The following ULK4 variants were observed in gnomAD, a reference collection of about 807,000 sequenced individuals.
ULK4 encodes the protein inactive serine/threonine-protein kinase ULK4.
Under a neutral mutation model 160.6 loss-of-function variants are expected in ULK4, and 133 were observed. The ratio of observed to expected loss-of-function variants is 0.83; its 90% CI spans 0.72 to 0.96. ULK4 has a LOEUF of 0.96. Among genes scored for constraint, ULK4 ranks in the 40% least tolerant of loss-of-function variants. The pLI, the probability that ULK4 is intolerant of heterozygous loss-of-function variation, is 0.00. For synonymous variants in ULK4, 534 were observed against 539.8 expected (o/e 0.99, Z 0.15); for missense variants, 1,580 against 1,499.5 (o/e 1.05, Z -0.89).
chr3:41,343,473 T>G (rs1448651217), intron 35 of ULK4, among the ~76,000 whole-genome samples: 1 of 151,364 alleles, frequency 6.6e-6, no homozygotes, highest in Non-Finnish European at 1.5e-5. Flanking sequence ...CCTGGCTAAT[T>G]TTTGTATTTT....
intron 32 of ULK4, among the ~76,000 whole-genome samples, chr3:41,468,711 C>T (rs2083896118): frequency 6.6e-6 from 1 of 152,178 alleles, no homozygotes; most frequent in African/African-American, 2.4e-5. Flanking sequence ...CAGAGGTTAG[C>T]ATAGTGCCAC....
intron 30 of ULK4, among the ~76,000 whole-genome samples, chr3:41,641,761 G>A (rs1016836853): frequency 1.3e-5 from 2 of 150,838 alleles, no homozygotes; most frequent in Non-Finnish European, 2.9e-5. Context: ...ATTTATGAGA[G>A]GAAATGTAAC....
chr3:41,396,321 G>A (rs1184588971), intron 35 of ULK4, among the ~76,000 whole-genome samples: 1 of 120,346 alleles, frequency 8.3e-6, no homozygotes, highest in African/African-American at 4.0e-5. Context: ...AAAAAGATCT[G>A]AAATTTCTAA....
At chr3:41,353,030 T>A (rs2125763430) in intron 35 of ULK4, among the ~76,000 whole-genome samples, 1 of 152,348 alleles carries the variant, frequency 6.6e-6, no homozygotes, top group South Asian at 2.1e-4. Flanking sequence ...CTACTGGACT[T>A]GCTTTCAAAG....
At chr3:41,627,326 T>C (rs535410278) in intron 30 of ULK4, among the ~76,000 whole-genome samples, 4 of 152,262 alleles carry the variant, frequency 2.6e-5, no homozygotes, top group South Asian at 2.1e-4. Context: ...GACAGGTCCA[T>C]GGAGATCACT....
At chr3:41,374,985 C>T (rs9816360) in intron 35 of ULK4, among the ~76,000 whole-genome samples, 31,544 of 151,118 alleles carry the variant, frequency 0.21, 3,428 homozygotes, top group African/African-American at 0.24. Context: ...CATTCTTATA[C>T]ACCAGTAACA....
chr3:41,568,596 ACTAG>A (rs1413262713), intron 31 of ULK4, among the ~76,000 whole-genome samples: 1 of 152,186 alleles, frequency 6.6e-6, no homozygotes, highest in East Asian at 1.9e-4. Flanking sequence ...CATACAAGCA[ACTAG>A]CTAGCCTCCA....
intron 32 of ULK4, among the ~76,000 whole-genome samples, chr3:41,532,386 G>A (rs752426857): frequency 2.0e-5 from 3 of 152,156 alleles, no homozygotes; most frequent in Non-Finnish European, 4.4e-5. Flanking sequence ...ATCCAGATAC[G>A]TCATATCCCC....
chr3:41,757,708 A>C (rs183730423), intron 21 of ULK4, among the ~76,000 whole-genome samples: 2 of 148,266 alleles, frequency 1.3e-5, no homozygotes, highest in Admixed American at 6.7e-5. Flanking sequence ...ATCTCGGCTC[A>C]CTGTAACCTC....
At chr3:41,872,977 A>AC (rs1697155568) in intron 17 of ULK4, among the ~76,000 whole-genome samples, 2 of 152,090 alleles carry the variant, frequency 1.3e-5, no homozygotes, top group Non-Finnish European at 2.9e-5. Flanking sequence ...AGATGGTGAA[A>AC]CCCCATCTCT....
At chr3:41,827,077 C>T (rs1040906646) in intron 18 of ULK4, among the ~76,000 whole-genome samples, 1 of 150,424 alleles carries the variant, frequency 6.6e-6, no homozygotes, top group Admixed American at 6.6e-5. Flanking sequence ...CATAACGAAA[C>T]AAAGGCAGAA....
chr3:41,460,318 T>A (rs1020588389), intron 33 of ULK4, among the ~76,000 whole-genome samples: 2 of 152,270 alleles, frequency 1.3e-5, no homozygotes, highest in Middle Eastern at 3.4e-3. Context: ...ATTAGAATAA[T>A]AAATATTTGT....
intron 35 of ULK4, among the ~76,000 whole-genome samples, chr3:41,293,674 G>T (rs1168498620): frequency 1.3e-5 from 2 of 152,114 alleles, no homozygotes; most frequent in Non-Finnish European, 2.9e-5. Context: ...TTTTTGCCTT[G>T]TTTCCTCAAT....
intron 35 of ULK4, among the ~76,000 whole-genome samples, chr3:41,306,113 C>T (rs1170005022): frequency 2.3e-5 from 3 of 129,590 alleles, no homozygotes; most frequent in African/African-American, 3.3e-5. Flanking sequence ...GCCGCCACCC[C>T]GTCCGGGAGG....
At chr3:41,545,666 G>A (rs2086835249) in intron 32 of ULK4, among the ~76,000 whole-genome samples, 2 of 152,064 alleles carry the variant, frequency 1.3e-5, no homozygotes, top group South Asian at 2.1e-4. Context: ...AGATAAATAT[G>A]CTTTACCAAA....
chr3:41,432,289 G>A (rs1321283405), intron 34 of ULK4, among the ~76,000 whole-genome samples: 1 of 152,162 alleles, frequency 6.6e-6, no homozygotes, highest in Non-Finnish European at 1.5e-5. Flanking sequence ...TTACCCATTA[G>A]CACCTCAACT....
At chr3:41,393,285 C>T (rs1182700604) in intron 35 of ULK4, among the ~76,000 whole-genome samples, 2 of 152,136 alleles carry the variant, frequency 1.3e-5, no homozygotes, top group Non-Finnish European at 2.9e-5. Flanking sequence ...AATTAAGATG[C>T]TGCCAGCAGC....
At chr3:41,641,994 G>C (rs2034225127) in intron 30 of ULK4, among the ~76,000 whole-genome samples, 1 of 151,148 alleles carries the variant, frequency 6.6e-6, no homozygotes, top group East Asian at 2.0e-4. Context: ...TCGTGCCTCA[G>C]CCTCCCAAGT....
intron 32 of ULK4, among the ~76,000 whole-genome samples, chr3:41,497,659 A>ACAT (rs1319023112): frequency 1.3e-5 from 2 of 152,192 alleles, no homozygotes; most frequent in African/African-American, 4.8e-5. Flanking sequence ...CATATTGATG[A>ACAT]TATAAGGGTC....
Sources: gnomAD v4.1 joint callset for allele counts (sites outside exome capture counted in the v4.1 genomes callset) on GRCh38, gnomAD v4.1.1 for gene constraint, MANE v1.5 for transcripts, NCBI Gene and HGNC (gene_info 2026-07-23, HGNC 2026-07-21) for gene names.